TTC9C: variants seen among roughly 807,000 people sequenced by gnomAD.
TTC9C encodes tetratricopeptide repeat protein 9C.
TTC9C carries 15 observed loss-of-function variants against 22.5 expected under a neutral mutation model. The ratio of observed to expected loss-of-function variants is 0.67; its 90% CI spans 0.45 to 1.03. The LOEUF (loss-of-function observed/expected upper bound fraction) is 1.03, where lower values mean the gene tolerates loss of function less well. Ranked by LOEUF, TTC9C falls within the 50% of genes least tolerant of loss-of-function variation. TTC9C has a pLI of 0.00. For missense variants in TTC9C, 244 were observed against 214.6 expected (o/e 1.14, Z -0.86); for synonymous variants, 92 against 86.8 (o/e 1.06, Z -0.33).
chr11:62,732,972 C>CTT (rs143308039), intron 1 of TTC9C: 479 of 200,978 alleles, frequency 2.4e-3, no homozygotes, highest in South Asian at 6.6e-3. Flanking sequence ...TATTCCTCCA[C>CTT]TTTTTTTTTT....
intron 1 of TTC9C, among the ~76,000 whole-genome samples, chr11:62,732,273 G>A (rs1832461729): frequency 2.0e-5 from 3 of 152,044 alleles, no homozygotes; most frequent in Admixed American, 2.0e-4. Flanking sequence ...GGCATTACAG[G>A]CGTGAGCCAC....
chr11:62,734,590 TAAAAA>T (rs1013990247), intron 1 of TTC9C, among the ~76,000 whole-genome samples: 6 of 151,782 alleles, frequency 4.0e-5, no homozygotes, highest in African/African-American at 1.5e-4. Context: ...AAAAAAATAA[TAAAAA>T]AAGAATACAT....
chr11:62,734,529 C>A lies in TTC9C; in HGVS notation c.239-853C>A, dbSNP rs1249211227. 2.0e-5 allele frequency among the ~76,000 whole-genome samples: 3 copies of A among 152,020 alleles called. No individual in the cohort carries two copies. The East Asian group carries it at 5.8e-4, about 29-fold the overall frequency. On this transcript the variant is annotated intron_variant, in intron 1 of 2. Coordinates refer to ENST00000316461, the MANE Select transcript of TTC9C (RefSeq NM_173810.4). ...GTTGAACCTGGAGGTTGCAGTGAGC[C>A]AAGATCATGCCACTGCACTCCAGCC...
At chr11:62,735,270 T>C in intron 1 of TTC9C, 112 bp from the exon 2 acceptor site, 2 of 1,395,122 alleles carry the variant, frequency 1.4e-6, no homozygotes, top group Non-Finnish European at 1.9e-6. Flanking sequence ...CACTTTAGCA[T>C]TTGTTGACTG....
Position 62,729,022 on chromosome 11 carries a change from C to A in TTC9C, c.174C>A (p.Ala58=). The A allele has an allele frequency of 1.9e-6, 3 of 1,614,094 alleles. No homozygotes were observed. Among genetic ancestry groups the A allele is most frequent in the Middle Eastern group, 1.6e-4 (1 of 6,062 alleles). The change falls in exon 1 of 3, where the codon GCC becomes GCA. Residue 58 remains alanine, a synonymous_variant. Coordinates refer to ENST00000316461, the MANE Select transcript of TTC9C (RefSeq NM_173810.4). The part of the protein sequence containing the change: ...PLPNLGPQGP[A]LTPEQENILH... ...CTAATCTCGGACCTCAGGGCCCGGCCCTCACGCCTGAACAAGAAAACATAT... is the reference window on the plus strand; with the variant it reads ...CTAATCTCGGACCTCAGGGCCCGGCACTCACGCCTGAACAAGAAAACATAT...
chr11:62,736,305 GC>G (rs2083911793), intron 2 of TTC9C: 1 of 150,560 alleles, frequency 6.6e-6, no homozygotes, highest in South Asian at 2.1e-4. Context: ...ACTTTGGGAG[GC>G]CAAGGCGGGC....
chr11:62,738,146 T>G (rs1208635843), intron 2 of TTC9C, 142 bp from the exon 3 acceptor site: 3 of 413,534 alleles, frequency 7.3e-6, no homozygotes, highest in African/African-American at 6.1e-5. Context: ...AGATTTACTA[T>G]TGCATAGAAT....
chr11:62,735,690 A>G, intron 2 of TTC9C, 126 bp downstream of exon 2: 1 of 1,407,696 alleles, frequency 7.1e-7, no homozygotes, highest in Non-Finnish European at 9.3e-7. Context: ...CACATGGTTG[A>G]GAATTCGAAC....
intron 1 of TTC9C, among the ~76,000 whole-genome samples, chr11:62,729,376 TA>T (rs2083817010): frequency 2.1e-4 from 2 of 9,520 alleles, no homozygotes; most frequent in Non-Finnish European, 2.5e-3. Flanking sequence ...TTTATTTTTT[TA>T]TTTTATTTTA....
At chr11:62,733,081 C>T in intron 1 of TTC9C, 1 of 1,207,772 alleles carries the variant, frequency 8.3e-7, no homozygotes, top group Non-Finnish European at 1.1e-6. Flanking sequence ...TCTTTCTCAG[C>T]ACCATGATTT....
Position 62,728,967 on chromosome 11 carries a change from G to A in TTC9C, c.119G>A (p.Gly40Asp), listed in dbSNP as rs2083805118. The part of the protein sequence containing the change: ...RYHRALLQLR[G>D]LDPSLPSPLP... ...CATCGAGCTCTGCTTCAGCTGCGGG[G>A]TCTGGATCCGAGTCTGCCCTCTCCG... Residue 40 changes from glycine to aspartate, a missense_variant, in exon 1 of 3, where the codon GGT (glycine) becomes GAT (aspartate). Physicochemically the swap from Gly to Asp is moderately conservative, Grantham distance 94. Transcript: ENST00000316461. 6.2e-7 allele frequency: 1 copy of A among 1,614,038 alleles called. No homozygotes were observed. The highest frequency in any genetic ancestry group is 8.5e-7 in the Non-Finnish European group (1 of 1,180,048).
chr11:62,728,923 A>G lies in TTC9C; in HGVS notation c.75A>G (p.Arg25=). Residue 25 remains arginine, a synonymous_variant, in exon 1 of 3, where the codon CGA becomes CGG. Coordinates refer to ENST00000316461, the MANE Select transcript of TTC9C (RefSeq NM_173810.4). The part of the protein sequence containing the change: ...GNQRYREGKY[R]DAVSRYHRAL... ...AGCGCTACCGGGAAGGGAAGTACCG[A>G]GATGCTGTGAGTAGGTACCATCGAG... The G allele has an allele frequency of 1.2e-6, 2 of 1,614,172 alleles. No homozygotes were observed. Among genetic ancestry groups the G allele is most frequent in the Non-Finnish European group, 1.7e-6 (2 of 1,180,030 alleles).
upstream of TTC9C, chr11:62,728,312 C>G (rs2083787834): frequency 2.8e-6 from 1 of 359,970 alleles, no homozygotes; most frequent in Middle Eastern, 9.4e-4. Flanking sequence ...ACCTCAGTGT[C>G]GCTGGTGGTT....
At chr11:62,737,531 C>G (rs1386712871) in intron 2 of TTC9C, among the ~76,000 whole-genome samples, 1 of 152,122 alleles carries the variant, frequency 6.6e-6, no homozygotes, top group African/African-American at 2.4e-5. Context: ...ATACTAGTAG[C>G]AGAGTCACCA....
chr11:62,733,979 G>A (rs962414751), intron 1 of TTC9C, among the ~76,000 whole-genome samples: 5 of 151,620 alleles, frequency 3.3e-5, no homozygotes, highest in Admixed American at 6.6e-5. Flanking sequence ...ACGACAGAGC[G>A]AGACCTCCAT....
chr11:62,728,195 C>G, upstream of TTC9C: 1 of 291,476 alleles, frequency 3.4e-6, no homozygotes, highest in South Asian at 3.0e-5. Flanking sequence ...CTCCTTGCTC[C>G]TGCTGGTAAA....
In TTC9C at chr11:62,728,489, G is replaced by A. The variant is rs767415080; in HGVS notation, c.-360G>A. ...GTCCAATAGAAAGGCGGAAGCCAGT[G>A]TCCCAGGCGTTCTCACGCCCGCAAC... On this transcript the variant is annotated 5_prime_UTR_variant, in exon 1 of 3. Coordinates refer to ENST00000316461, the MANE Select transcript of TTC9C (RefSeq NM_173810.4). 4.2e-6 allele frequency: 2 copies of A among 477,652 alleles called. No homozygotes were observed. Among genetic ancestry groups the A allele is most frequent in the South Asian group, 3.1e-5 (2 of 64,756 alleles). 29.6% of individuals were successfully genotyped at this position (477,652 alleles called of 1,614,324 possible). A position where few individuals can be genotyped will look rare whatever the true frequency, so the allele number is the denominator to read the frequency against.
At chr11:62,730,333 G>A (rs760597350) in intron 1 of TTC9C, among the ~76,000 whole-genome samples, 33 of 150,700 alleles carry the variant, frequency 2.2e-4, no homozygotes, top group Admixed American at 2.0e-4. Flanking sequence ...CCTCGGCCTC[G>A]CAAAGTGCTG....
intron 1 of TTC9C, among the ~76,000 whole-genome samples, chr11:62,729,852 A>G (rs558703936): frequency 3.3e-5 from 5 of 152,276 alleles, no homozygotes; most frequent in African/African-American, 9.6e-5. Context: ...CTGGGATTAC[A>G]TGCGTGAGCC....
Sources: gnomAD v4.1 joint callset for allele counts (sites outside exome capture counted in the v4.1 genomes callset) on GRCh38, gnomAD v4.1.1 for gene constraint, MANE v1.5 for transcripts, NCBI Gene and HGNC (gene_info 2026-07-23, HGNC 2026-07-21) for gene names.